CDH19: variants seen among roughly 807,000 people sequenced by gnomAD.
The protein encoded by CDH19 is cadherin-19.
CDH19 carries 67 observed loss-of-function variants against 64.2 expected under a neutral mutation model. That is an observed-to-expected ratio of 1.04 (90% CI 0.86 to 1.28). CDH19 has a LOEUF of 1.28. Among genes scored for constraint, CDH19 ranks in the 50% most tolerant of loss-of-function variants. The pLI, the probability that CDH19 is intolerant of heterozygous loss-of-function variation, is 0.00. For synonymous variants in CDH19, 346 were observed against 319.3 expected, an observed-to-expected ratio of 1.08 and a Z score of -0.89; for missense variants, 1,030 against 929.0, an observed-to-expected ratio of 1.11 and a Z score of -1.41.
At chr18:66,576,559 C>T (rs1288550448) in intron 1 of CDH19, among the ~76,000 whole-genome samples, 1 of 151,360 alleles carries the variant, frequency 6.6e-6, no homozygotes, top group African/African-American at 2.4e-5. Context: ...AGAATTATGT[C>T]AATTCATTAA....
intron 1 of CDH19, among the ~76,000 whole-genome samples, chr18:66,594,352 C>A (rs1988824088): frequency 6.6e-6 from 1 of 152,032 alleles, no homozygotes; most frequent in Admixed American, 6.6e-5. Context: ...ATCAGACACA[C>A]TAATGAGTTA....
At chr18:66,544,925 T>TA (rs772804517) in intron 5 of CDH19, 22 bp from the exon 6 acceptor site, 1 of 1,523,982 alleles carries the variant, frequency 6.6e-7, no homozygotes, top group South Asian at 1.3e-5. Context: ...AAATTGGAGG[T>TA]ATTTTGGATA....
intron 8 of CDH19, chr18:66,532,519 C>CACACAG (rs957423260): frequency 8.1e-5 from 24 of 294,570 alleles, no homozygotes; most frequent in African/African-American, 4.0e-4. Context: ...CACACACACA[C>CACACAG]AGAGAAAGAG....
intron 1 of CDH19, among the ~76,000 whole-genome samples, chr18:66,595,511 A>AG (rs538770488): frequency 2.3e-5 from 2 of 88,254 alleles, no homozygotes; most frequent in Non-Finnish European, 4.9e-5. Flanking sequence ...CCGGCCCCAC[A>AG]GAAAAAAAAA....
intron 1 of CDH19, among the ~76,000 whole-genome samples, chr18:66,599,866 G>A (rs1988996228): frequency 6.6e-6 from 1 of 151,892 alleles, no homozygotes; most frequent in African/African-American, 2.4e-5. Flanking sequence ...CAAAACAGAA[G>A]TGTTTTGAGT....
intron 9 of CDH19, among the ~76,000 whole-genome samples, chr18:66,519,580 C>T (rs1482446256): frequency 6.6e-6 from 1 of 152,116 alleles, no homozygotes; most frequent in East Asian, 1.9e-4. Context: ...AATTACATCT[C>T]ATGGTTTCCT....
At chr18:66,506,491 T>C (rs1295265408) in intron 11 of CDH19, among the ~76,000 whole-genome samples, 1 of 152,020 alleles carries the variant, frequency 6.6e-6, no homozygotes, top group Non-Finnish European at 1.5e-5. Context: ...AGTAGAAAGT[T>C]GGTTCAGAGC....
At chr18:66,602,341 T>C (rs1417364265) in intron 1 of CDH19, among the ~76,000 whole-genome samples, 5 of 151,990 alleles carry the variant, frequency 3.3e-5, no homozygotes, top group African/African-American at 1.2e-4. Flanking sequence ...TATCAGATTA[T>C]ATGTAGCTGT....
intron 5 of CDH19, among the ~76,000 whole-genome samples, chr18:66,546,158 A>G (rs939652070): frequency 1.9e-4 from 29 of 152,106 alleles, no homozygotes; most frequent in African/African-American, 5.8e-4. Context: ...CTTTAAAGGG[A>G]TTCCTAGTTC....
Position 66,554,526 on chromosome 18 carries a change from T to G in CDH19, c.491-2A>C. ...CTGTCACCTGGATAACTAATGTTCC[T>G]AAAGAGAACATAATACAGGAAATTA... On this transcript the variant is annotated splice_acceptor_variant, in intron 3 of 11. Coordinates refer to ENST00000262150, the MANE Select transcript of CDH19 (RefSeq NM_021153.4). LOFTEE classifies it high-confidence loss of function. The G allele has an allele frequency of 6.2e-7, 1 of 1,609,382 alleles. No individual in the cohort carries two copies. The highest frequency in any genetic ancestry group is 2.2e-5 in the East Asian group (1 of 44,726).
rs1372055070 is a variant in CDH19 at position 66,544,373 on chromosome 18, T to C, written c.961-149A>G. On this transcript the variant is annotated intron_variant, in intron 6 of 11. Transcript: ENST00000262150. ...TACATGGATCTCTCTGATATAATTG[T>C]TAATCAGGCATAACAAATCTGGGTG... 1.4e-5 allele frequency: 9 copies of C among 666,094 alleles called. No homozygotes were observed. The East Asian group carries it at 2.0e-4, about 15-fold the overall frequency. 41.3% of individuals were successfully genotyped at this position (666,094 alleles called of 1,614,324 possible). A position where few individuals can be genotyped will look rare whatever the true frequency, so the allele number is the denominator to read the frequency against.
At chr18:66,588,411 G>A (rs140128430) in intron 1 of CDH19, among the ~76,000 whole-genome samples, 6 of 151,814 alleles carry the variant, frequency 4.0e-5, no homozygotes, top group Non-Finnish European at 7.4e-5. Context: ...AACTATGCTG[G>A]GTAGGAAAGA....
Position 66,504,693 on chromosome 18 carries a change from C to T in CDH19, c.*119G>A. On this transcript the variant is annotated 3_prime_UTR_variant, in exon 12 of 12. Transcript: ENST00000262150. ...CATGGAGTATTTACTCCAGGGAAAT[C>T]AGAAAACTCCATAGACTAGGGCTTT... The T allele has an allele frequency of 9.7e-7, 1 of 1,025,686 alleles. No homozygotes were observed. Among genetic ancestry groups the T allele is most frequent in the Non-Finnish European group, 1.4e-6 (1 of 721,458 alleles). 63.5% of individuals were successfully genotyped at this position (1,025,686 alleles called of 1,614,324 possible). A position where few individuals can be genotyped will look rare whatever the true frequency, so the allele number is the denominator to read the frequency against.
At chr18:66,517,850 A>G (rs892061179) in intron 9 of CDH19, among the ~76,000 whole-genome samples, 1 of 152,032 alleles carries the variant, frequency 6.6e-6, no homozygotes, top group Admixed American at 6.6e-5. Flanking sequence ...ACATTACTAA[A>G]ATTAACATTA....
chr18:66,542,493 T>C (rs979535677), intron 7 of CDH19, among the ~76,000 whole-genome samples: 2 of 152,206 alleles, frequency 1.3e-5, no homozygotes, highest in Middle Eastern at 3.4e-3. Context: ...AACAAACAAA[T>C]AAACAAAATA....
intron 1 of CDH19, among the ~76,000 whole-genome samples, chr18:66,584,514 T>C (rs1214933891): frequency 2.0e-5 from 3 of 152,110 alleles, no homozygotes; most frequent in Non-Finnish European, 2.9e-5. Context: ...ACTGGGTATA[T>C]ACACAAATGA....
At position 66,509,116 on chromosome 18, in the gene CDH19, A is replaced by G; in HGVS notation, c.1707T>C (p.His569=). 6.2e-7 allele frequency: 1 copy of G among 1,613,062 alleles called. No homozygotes were observed. The highest frequency in any genetic ancestry group is 2.2e-5 in the East Asian group (1 of 44,854). ...SLTSTNTLTI[H]VCDCGDSGST... is the part of the protein sequence containing the mutation. ...TCCCACTGTCACCACAGTCACAGAC[A>G]TGGATGGTAAGGGTGTTTGTACTTG... Residue 569 remains histidine, a synonymous_variant, in exon 11 of 12, where the codon CAT becomes CAC. Coordinates refer to ENST00000262150, the MANE Select transcript of CDH19 (RefSeq NM_021153.4).
chr18:66,507,942 A>G (rs1380921228), intron 11 of CDH19, among the ~76,000 whole-genome samples: 2 of 151,912 alleles, frequency 1.3e-5, no homozygotes, highest in East Asian at 1.9e-4. Flanking sequence ...CCACACTTCC[A>G]TGTTCATTAC....
intron 9 of CDH19, among the ~76,000 whole-genome samples, chr18:66,518,443 A>G (rs913265068): frequency 1.3e-5 from 2 of 152,044 alleles, no homozygotes; most frequent in African/African-American, 4.8e-5. Flanking sequence ...CATGTTGGCC[A>G]GGCTGGTCTC....
Sources: allele counts gnomAD v4.1 joint callset (sites outside exome capture counted in the v4.1 genomes callset), GRCh38; gene constraint gnomAD v4.1.1; transcripts MANE v1.5; gene names NCBI Gene and HGNC (gene_info 2026-07-23, HGNC 2026-07-21).